SEMA3A: variants seen among roughly 807,000 people sequenced by gnomAD.
The protein encoded by SEMA3A is semaphorin 3A.
A neutral mutation model predicts 97.9 loss-of-function variants in SEMA3A; 29 were observed. The observed-to-expected ratio is 0.30, with a 90% CI of 0.22 to 0.40. The LOEUF is 0.40. SEMA3A is among the 10% of genes least tolerant of loss of function. SEMA3A has a pLI of 1.00. For synonymous variants in SEMA3A, 321 were observed against 323.7 expected, an observed-to-expected ratio of 0.99 and a Z score of 0.09; for missense variants, 763 against 951.3, an observed-to-expected ratio of 0.80 and a Z score of 2.60.
chr7:84,196,353 T>TTCTC (rs60887913), upstream of SEMA3A, among the ~76,000 whole-genome samples: 1,299 of 149,250 alleles, frequency 8.7e-3, 15 homozygotes, highest in African/African-American at 0.025. Context: ...TCGCTCTGCT[T>TTCTC]TCTCTCTCTC....
At chr7:84,179,322 G>GT (rs1225943279) in intron 1 of SEMA3A, among the ~76,000 whole-genome samples, 2 of 152,114 alleles carry the variant, frequency 1.3e-5, no homozygotes, top group Non-Finnish European at 2.9e-5. Context: ...ACTCCATTCC[G>GT]TATGAGGTTA....
intron 2 of SEMA3A, among the ~76,000 whole-genome samples, chr7:84,342,139 G>T (rs532818494): frequency 1.3e-5 from 2 of 152,120 alleles, no homozygotes; most frequent in East Asian, 3.9e-4. Flanking sequence ...GGATTCAAGT[G>T]ATTCTCCTGC....
intron 3 of SEMA3A, among the ~76,000 whole-genome samples, chr7:84,250,666 AT>A (rs888768250): frequency 4.6e-5 from 7 of 152,036 alleles, no homozygotes; most frequent in Middle Eastern, 3.2e-3. Context: ...AGCCAATGTA[AT>A]TTTTTTTAAT....
rs767104933 is a variant in SEMA3A, at chr7:84,115,646, C to T, written c.334-5057G>A. On this transcript the variant is annotated intron_variant, in intron 3 of 16. Transcript: ENST00000265362. ...CATCAGGATGTGTGCCATTCATTTG[C>T]ATGATTTGATTGTGGTCCATTATAT... Among the ~76,000 whole-genome samples, 66 of 152,072 alleles carry T rather than the reference C, an allele frequency of 4.3e-4. 1 individual carries two copies. The highest frequency in any genetic ancestry group is 7.8e-4 in the Non-Finnish European group (53 of 67,986).
Position 84,107,140 on chromosome 7 carries a change from C to T in SEMA3A, c.453+3330G>A, listed in dbSNP as rs541398692. 4.6e-5 allele frequency among the ~76,000 whole-genome samples: 7 copies of T among 152,162 alleles called. No homozygotes were observed. In the South Asian group the frequency reaches 1.0e-3, roughly 23 times the overall value. On this transcript the variant is annotated intron_variant, in intron 4 of 16. Coordinates refer to ENST00000265362, the MANE Select transcript of SEMA3A (RefSeq NM_006080.3). Reference sequence around the variant, plus strand: ...AAGCCAATAATCCTGGCCTCTGTTTCGATTGCTATTTTATTTCTCACTCTC... The same window carrying T: ...AAGCCAATAATCCTGGCCTCTGTTTTGATTGCTATTTTATTTCTCACTCTC...
At chr7:84,307,574 A>G (rs903259579) in intron 2 of SEMA3A, among the ~76,000 whole-genome samples, 3 of 152,196 alleles carry the variant, frequency 2.0e-5, no homozygotes, top group African/African-American at 7.2e-5. Flanking sequence ...CTCTGGCTCT[A>G]CTAAAGAATA....
At chr7:84,383,419 GA>G (rs558900739) in intron 1 of SEMA3A, among the ~76,000 whole-genome samples, 5 of 151,652 alleles carry the variant, frequency 3.3e-5, no homozygotes, top group East Asian at 1.9e-4. Context: ...CAGTAAATTT[GA>G]AAAAAAATTC....
chr7:83,966,472 C>T (rs1042328387), intron 15 of SEMA3A, among the ~76,000 whole-genome samples: 2 of 152,260 alleles, frequency 1.3e-5, no homozygotes, highest in East Asian at 3.9e-4. Context: ...GATAACTACT[C>T]TTGCCAGTAC....
chr7:84,395,563 G>T (rs182738903), intron 1 of SEMA3A, among the ~76,000 whole-genome samples: 57 of 151,602 alleles, frequency 3.8e-4, no homozygotes, highest in Admixed American at 3.5e-3. Context: ...ACATGTCAAG[G>T]GGGGGACCAG....
chr7:83,975,071 T>C (rs1789090309), intron 15 of SEMA3A, among the ~76,000 whole-genome samples: 1 of 152,186 alleles, frequency 6.6e-6, no homozygotes. Context: ...ACTACTCTAA[T>C]TTTATCAAAA....
intron 2 of SEMA3A, among the ~76,000 whole-genome samples, chr7:84,329,481 G>A (rs1203484174): frequency 6.6e-6 from 1 of 151,958 alleles, no homozygotes; most frequent in Non-Finnish European, 1.5e-5. Flanking sequence ...TTCTCCCAAT[G>A]TGGCCCACGG....
intron 15 of SEMA3A, 120 bp downstream of exon 15, chr7:83,977,012 T>C: frequency 2.1e-6 from 1 of 473,310 alleles, no homozygotes; most frequent in Non-Finnish European, 3.6e-6. Flanking sequence ...TTTACTTCTC[T>C]TCGGCTGCAT....
intron 3 of SEMA3A, among the ~76,000 whole-genome samples, chr7:84,222,726 T>C (rs1038760189): frequency 6.6e-6 from 1 of 151,890 alleles, no homozygotes; most frequent in African/African-American, 2.4e-5. Context: ...TGATCCTAAG[T>C]AAATATTGTC....
At chr7:83,962,902 TATAA>T (rs1479768356) in intron 16 of SEMA3A, among the ~76,000 whole-genome samples, 3 of 152,156 alleles carry the variant, frequency 2.0e-5, no homozygotes, top group Admixed American at 6.5e-5. Flanking sequence ...TGTGCACAAA[TATAA>T]ATAACACAAT....
At chr7:84,196,807 G>C (rs1312793885), upstream of SEMA3A, among the ~76,000 whole-genome samples, 2 of 151,892 alleles carry the variant, frequency 1.3e-5, no homozygotes, top group Non-Finnish European at 2.9e-5. Context: ...CATATAATTA[G>C]TTTAAATGCT....
At chr7:84,414,287 G>T (rs1329316998) in intron 1 of SEMA3A, among the ~76,000 whole-genome samples, 3 of 151,054 alleles carry the variant, frequency 2.0e-5, no homozygotes, top group Admixed American at 1.3e-4. Flanking sequence ...CATTTCCATT[G>T]CCCATAAACA....
chr7:84,093,826 G>T (rs1270946778), intron 4 of SEMA3A, among the ~76,000 whole-genome samples: 1 of 151,842 alleles, frequency 6.6e-6, no homozygotes, highest in African/African-American at 2.4e-5. Flanking sequence ...AGGAAAAATA[G>T]CGAAGGCATG....
intron 14 of SEMA3A, 36 bp from the exon 15 acceptor site, chr7:83,977,232 C>G (rs763280258): frequency 8.0e-7 from 1 of 1,245,040 alleles, no homozygotes; most frequent in East Asian, 2.5e-5. Context: ...TTATTGTATC[C>G]TTATTTTTCC....
At chr7:83,991,139 A>G (rs1789907398) in intron 12 of SEMA3A, among the ~76,000 whole-genome samples, 1 of 150,232 alleles carries the variant, frequency 6.7e-6, no homozygotes, top group Non-Finnish European at 1.5e-5. Context: ...TTGGTGTATA[A>G]GAACGCTTGT....
Sources: gnomAD v4.1 joint callset for allele counts (sites outside exome capture counted in the v4.1 genomes callset) on GRCh38, gnomAD v4.1.1 for gene constraint, MANE v1.5 for transcripts, NCBI Gene and HGNC (gene_info 2026-07-23, HGNC 2026-07-21) for gene names.